The following RBMS1 variants were observed in gnomAD, a reference collection of about 807,000 sequenced individuals.
RBMS1 encodes the protein RNA binding motif single stranded interacting protein 1, also known as RNA-binding motif, single-stranded-interacting protein 1.
In RBMS1, 17 loss-of-function variants were observed where a neutral mutation model predicts 62.3. That is an observed-to-expected ratio of 0.27 (90% CI 0.19 to 0.41). The LOEUF (loss-of-function observed/expected upper bound fraction) is 0.41. Ranked by LOEUF, RBMS1 falls within the 10% of genes least tolerant of loss-of-function variation. The probability of loss-of-function intolerance (pLI) is 1.00; values close to 1 mark genes in which losing one functional copy is unlikely to be tolerated. For synonymous variants in RBMS1, 172 were observed against 170.0 expected (o/e 1.01, Z -0.09); for missense variants, 334 against 504.5 (o/e 0.66, Z 3.24).
chr2:160,316,056 T>C (rs911143954), intron 3 of RBMS1, among the ~76,000 whole-genome samples: 2 of 152,188 alleles, frequency 1.3e-5, no homozygotes, highest in Non-Finnish European at 2.9e-5. Context: ...TTTATATTAA[T>C]ATTCTATAAT....
intron 1 of RBMS1, among the ~76,000 whole-genome samples, chr2:160,459,077 A>G (rs1210796849): frequency 6.6e-6 from 1 of 152,218 alleles, no homozygotes; most frequent in African/African-American, 2.4e-5. Context: ...CATACAGTCT[A>G]ATCATTTTTT....
At chr2:160,330,539 G>T (rs1691205658) in intron 2 of RBMS1, among the ~76,000 whole-genome samples, 1 of 151,738 alleles carries the variant, frequency 6.6e-6, no homozygotes, top group African/African-American at 2.4e-5. Context: ...GGAAAAATAG[G>T]TCTTATACAT....
intron 2 of RBMS1, among the ~76,000 whole-genome samples, chr2:160,320,783 A>C (rs1690516968): frequency 1.3e-5 from 2 of 152,148 alleles, no homozygotes; most frequent in Admixed American, 6.5e-5. Context: ...CGAACCAAAT[A>C]AACCTTTTCT....
intron 9 of RBMS1, 170 bp downstream of exon 9, chr2:160,284,605 A>G (rs1210837592): frequency 1.6e-6 from 1 of 622,920 alleles, no homozygotes. Flanking sequence ...TCTCCTATAC[A>G]TAAATTGCTC....
intron 1 of RBMS1, among the ~76,000 whole-genome samples, chr2:160,447,278 T>C (rs1240262851): frequency 6.6e-6 from 1 of 152,086 alleles, no homozygotes; most frequent in Non-Finnish European, 1.5e-5. Context: ...GTATAGGAGA[T>C]TTTATGCCCA....
At chr2:160,433,905 C>T (rs747396419) in intron 1 of RBMS1, among the ~76,000 whole-genome samples, 8 of 152,190 alleles carry the variant, frequency 5.3e-5, no homozygotes, top group Admixed American at 2.0e-4. Context: ...AACTGAACTG[C>T]GCTTCCTCTT....
chr2:160,488,907 A>G (rs1685711323), intron 1 of RBMS1, among the ~76,000 whole-genome samples: 1 of 152,222 alleles, frequency 6.6e-6, no homozygotes, highest in Non-Finnish European at 1.5e-5. Context: ...TATTAAAAAT[A>G]CAAAGTCAGA....
intron 6 of RBMS1, among the ~76,000 whole-genome samples, chr2:160,291,696 C>T (rs183808683): frequency 4.6e-5 from 7 of 152,186 alleles, no homozygotes; most frequent in South Asian, 2.1e-4. Flanking sequence ...TTTGTAATAT[C>T]GTCATGTTAC....
chr2:160,474,700 TAATC>T (rs2105348765), intron 1 of RBMS1, among the ~76,000 whole-genome samples: 1 of 152,350 alleles, frequency 6.6e-6, no homozygotes, highest in African/African-American at 2.4e-5. Flanking sequence ...ACATTTGTCA[TAATC>T]AAACTTAGAG....
intron 1 of RBMS1, among the ~76,000 whole-genome samples, chr2:160,484,002 C>CT (rs5835810): frequency 2.2e-3 from 296 of 131,666 alleles, no homozygotes; most frequent in African/African-American, 5.0e-3. Context: ...GGATAAAATT[C>CT]TTTTTTTTTT....
At chr2:160,379,199 G>A (rs1182375739) in intron 1 of RBMS1, among the ~76,000 whole-genome samples, 3 of 151,534 alleles carry the variant, frequency 2.0e-5, no homozygotes, top group African/African-American at 7.3e-5. Context: ...AGCTTGGGGG[G>A]CAATAGAGGA....
intron 1 of RBMS1, among the ~76,000 whole-genome samples, chr2:160,436,564 ATGTTT>A (rs1683119453): frequency 6.6e-6 from 1 of 152,200 alleles, no homozygotes; most frequent in Non-Finnish European, 1.5e-5. Context: ...TTGGGTTGAT[ATGTTT>A]TATCTATTAC....
At chr2:160,324,865 GA>G (rs1559382878) in intron 2 of RBMS1, among the ~76,000 whole-genome samples, 2 of 115,342 alleles carry the variant, frequency 1.7e-5, no homozygotes, top group African/African-American at 6.1e-5. Context: ...TTCTAAGCGA[GA>G]TGTGTGTGTG....
At chr2:160,427,294 T>A (rs1682679336) in intron 1 of RBMS1, among the ~76,000 whole-genome samples, 1 of 152,172 alleles carries the variant, frequency 6.6e-6, no homozygotes, top group African/African-American at 2.4e-5. Context: ...ATTTTTTAAA[T>A]CCATCATAGC....
At chr2:160,381,774 A>T (rs531296748) in intron 1 of RBMS1, among the ~76,000 whole-genome samples, 10 of 152,354 alleles carry the variant, frequency 6.6e-5, no homozygotes, top group African/African-American at 2.4e-4. Context: ...CCAATAAAAC[A>T]TAACCAAAAG....
chr2:160,308,806 G>A (rs1254941895), intron 4 of RBMS1, among the ~76,000 whole-genome samples: 1 of 152,174 alleles, frequency 6.6e-6, no homozygotes, highest in Non-Finnish European at 1.5e-5. Flanking sequence ...GGGAAAGCTA[G>A]TATTTGAAGA....
At position 160,367,215 on chromosome 2, in the gene RBMS1, C is replaced by T. The variant is rs1189998168; in HGVS notation, c.251+1G>A. The stretch of plus-strand genomic sequence containing the variant: ...AAATAATAGGAACAACTACTACTTA[C>T]GGTTGACAGAGCTTCACCAGGTCCT... On this transcript the variant is annotated splice_donor_variant, in intron 2 of 13. Coordinates refer to ENST00000348849, the MANE Select transcript of RBMS1 (RefSeq NM_016836.4). LOFTEE classifies it high-confidence loss of function. 2 of 1,611,906 alleles carry T rather than the reference C, an allele frequency of 1.2e-6. No homozygotes were observed. Among genetic ancestry groups the T allele is most frequent in the African/African-American group, 1.3e-5 (1 of 74,836 alleles).
chr2:160,421,590 T>C (rs59110252), intron 1 of RBMS1, among the ~76,000 whole-genome samples: 42,509 of 152,108 alleles, frequency 0.28, 6,455 homozygotes, highest in East Asian at 0.59. Context: ...CTATTGTGAA[T>C]AGTGTCACAA....
chr2:160,428,379 T>C (rs1478295201), intron 1 of RBMS1, among the ~76,000 whole-genome samples: 2 of 152,200 alleles, frequency 1.3e-5, no homozygotes. Flanking sequence ...AAACAAAGTC[T>C]AACTTTTTAT....
Sources: allele counts gnomAD v4.1 joint callset (sites outside exome capture counted in the v4.1 genomes callset), GRCh38; gene constraint gnomAD v4.1.1; transcripts MANE v1.5; gene names NCBI Gene and HGNC (gene_info 2026-07-23, HGNC 2026-07-21).